Variants in ZFP64 observed in about 807,000 individuals in gnomAD.
The protein encoded by ZFP64 is zinc finger protein 64.
A neutral mutation model predicts 51.6 loss-of-function variants in ZFP64; 14 were observed. That is an observed-to-expected ratio of 0.27 (90% CI 0.18 to 0.42). The LOEUF (loss-of-function observed/expected upper bound fraction) is 0.42. Ranked by LOEUF, ZFP64 falls within the 10% of genes least tolerant of loss-of-function variation. The probability of loss-of-function intolerance (pLI) is 1.00; values close to 1 mark genes in which losing one functional copy is unlikely to be tolerated. For missense variants in ZFP64, 754 were observed against 906.8 expected (o/e 0.83, Z 2.16); for synonymous variants, 375 against 361.4 (o/e 1.04, Z -0.43).
chr20:52,161,806 T>C (rs1981832345), intron 4 of ZFP64, among the ~76,000 whole-genome samples: 1 of 152,196 alleles, frequency 6.6e-6, no homozygotes, highest in Admixed American at 6.5e-5. Flanking sequence ...GAATGAGACA[T>C]AGAGGTCTAT....
intron 5 of ZFP64, among the ~76,000 whole-genome samples, chr20:52,126,788 C>T (rs912103157): frequency 7.2e-5 from 11 of 152,058 alleles, no homozygotes; most frequent in African/African-American, 2.7e-4. Flanking sequence ...CTGTGAGGTG[C>T]TGAGTCTTAG....
In ZFP64 at chr20:52,085,371, T is replaced by A; in HGVS notation, c.1229-105A>T. 1 of 1,265,068 alleles carries A rather than the reference T, an allele frequency of 7.9e-7. No individual in the cohort carries two copies. The highest frequency in any genetic ancestry group is 1.1e-6 in the Non-Finnish European group (1 of 927,842). 78.4% of individuals were successfully genotyped at this position (1,265,068 alleles called of 1,614,324 possible). ...GCCGCCATGAGATGGTTGGGTTTTG[T>A]GAACTCTAAACCCAACCTCCTAATG... On this transcript the variant is annotated intron_variant, in intron 8 of 8. Coordinates refer to the ZFP64 transcript ENST00000361387. The surrounding 1 kb of genome is among the most constrained non-coding windows in gnomAD (Gnocchi z 4.3).
At chr20:52,106,971 G>A (rs1978324511) in intron 5 of ZFP64, among the ~76,000 whole-genome samples, 1 of 152,134 alleles carries the variant, frequency 6.6e-6, no homozygotes, top group South Asian at 2.1e-4. Context: ...GGTGGCGGAC[G>A]CCTGTAATCC....
At chr20:52,100,972 C>T (rs2079043943) in intron 5 of ZFP64, among the ~76,000 whole-genome samples, 4 of 152,150 alleles carry the variant, frequency 2.6e-5, no homozygotes, top group Non-Finnish European at 5.9e-5. Flanking sequence ...AACAAGTGAT[C>T]TAGTCCAGTG....
chr20:52,120,025 G>T (rs563519729), intron 5 of ZFP64, among the ~76,000 whole-genome samples: 1 of 152,234 alleles, frequency 6.6e-6, no homozygotes, highest in South Asian at 2.1e-4. Flanking sequence ...ACGGCTTTGG[G>T]CAGGTGTTTG....
intron 5 of ZFP64, among the ~76,000 whole-genome samples, chr20:52,158,282 A>C (rs536806869): frequency 6.6e-6 from 1 of 152,314 alleles, no homozygotes; most frequent in Non-Finnish European, 1.5e-5. Flanking sequence ...ATCCAGACCC[A>C]AGGGAGATCA....
chr20:52,101,288 C>A (rs2079047237), intron 5 of ZFP64, among the ~76,000 whole-genome samples: 1 of 152,136 alleles, frequency 6.6e-6, no homozygotes, highest in African/African-American at 2.4e-5. Context: ...TGTAGTTTCC[C>A]AGGCCTTACC....
At chr20:52,098,938 G>A (rs1244557680) in intron 5 of ZFP64, among the ~76,000 whole-genome samples, 1 of 148,526 alleles carries the variant, frequency 6.7e-6, no homozygotes, top group Non-Finnish European at 1.5e-5. Flanking sequence ...GGAGGCAGAG[G>A]TTGCAGTGAG....
At chr20:52,092,675 G>T in intron 7 of ZFP64, among the ~76,000 whole-genome samples, 1 of 152,148 alleles carries the variant, frequency 6.6e-6, no homozygotes, top group East Asian at 1.9e-4. Context: ...TGGCCAAGGT[G>T]AAACAGCATC....
At position 52,174,420 on chromosome 20, in the gene ZFP64, T is replaced by C. The variant is rs1418293796; in HGVS notation, c.287-8395A>G. Among the ~76,000 whole-genome samples, 4 of 144,626 alleles carry C rather than the reference T, an allele frequency of 2.8e-5. No homozygotes were observed. The Admixed American group carries it at 2.9e-4, about 10-fold the overall frequency. 94.9% of individuals were successfully genotyped at this position (144,626 alleles called of 152,430 possible). ...ATTGCTTGAACCCGGGAGGCGGAGG[T>C]TGCAGTGGGCCAAGATCGCGTCATT... On this transcript the variant is annotated intron_variant, in intron 2 of 5. Transcript: ENST00000216923.
At chr20:52,173,649 T>C (rs1192653982) in intron 2 of ZFP64, among the ~76,000 whole-genome samples, 1 of 151,698 alleles carries the variant, frequency 6.6e-6, no homozygotes, top group African/African-American at 2.4e-5. Context: ...TCCTTGCTTT[T>C]TTTTTTTTCT....
chr20:52,144,578 CAAAAAAA>C (rs1156545584), intron 5 of ZFP64, among the ~76,000 whole-genome samples: 9 of 23,332 alleles, frequency 3.9e-4, no homozygotes, highest in East Asian at 1.8e-3. Flanking sequence ...GACTCCGTCT[CAAAAAAA>C]AAAAAAAAAA....
chr20:52,103,653 T>G (rs1383876811), intron 5 of ZFP64, among the ~76,000 whole-genome samples: 1 of 152,150 alleles, frequency 6.6e-6, no homozygotes, highest in Non-Finnish European at 1.5e-5. Flanking sequence ...TTCTCTTCTA[T>G]AAACACCTCC....
chr20:52,098,052 C>T lies in ZFP64; in HGVS notation c.913+386G>A, dbSNP rs1366959335. 3.3e-5 allele frequency among the ~76,000 whole-genome samples: 5 copies of T among 151,114 alleles called. No individual in the cohort carries two copies. In the Admixed American group the frequency reaches 3.3e-4, roughly 10 times the overall value. On this transcript the variant is annotated intron_variant, in intron 6 of 8. Transcript: ENST00000361387. ...CCACTATACTCCAGCCTTAACAGAG[C>T]AAGACCTTGTCTTGGGATGCTGAGG... is the stretch of plus-strand genomic sequence containing the variant.
intron 7 of ZFP64, among the ~76,000 whole-genome samples, chr20:52,095,253 G>C (rs1354204062): frequency 1.3e-5 from 2 of 152,138 alleles, no homozygotes; most frequent in Non-Finnish European, 2.9e-5. Context: ...GCTGGGGGTG[G>C]CCATGGGATT....
chr20:52,116,774 A>G (rs756291528), intron 5 of ZFP64, among the ~76,000 whole-genome samples: 1 of 152,226 alleles, frequency 6.6e-6, no homozygotes, highest in Non-Finnish European at 1.5e-5. Context: ...ATCTCTATAT[A>G]CATTTTAACA....
intron 7 of ZFP64, among the ~76,000 whole-genome samples, chr20:52,089,733 A>ATC (rs1216592149): frequency 6.7e-5 from 7 of 103,880 alleles, no homozygotes; most frequent in Non-Finnish European, 1.3e-4. Context: ...AGAGCAAGAC[A>ATC]CTGTCTCAAA....
exon 8 of ZFP64, chr20:52,088,490 A>G: frequency 6.2e-7 from 1 of 1,614,214 alleles, no homozygotes; most frequent in Non-Finnish European, 8.5e-7. Flanking sequence ...GTGGATCCGC[A>G]GGTGCTTCTT....
At chr20:52,108,745 G>T (rs965894590) in intron 5 of ZFP64, among the ~76,000 whole-genome samples, 1 of 151,900 alleles carries the variant, frequency 6.6e-6, no homozygotes, top group African/African-American at 2.4e-5. Flanking sequence ...CTGGCCTCAA[G>T]CAATCCACCT....
Sources: allele counts gnomAD v4.1 joint callset (sites outside exome capture counted in the v4.1 genomes callset), GRCh38; gene constraint gnomAD v4.1.1; non-coding constraint Gnocchi (gnomAD v3.1); transcripts MANE v1.5; gene names NCBI Gene and HGNC (gene_info 2026-07-23, HGNC 2026-07-21).